The following EXOC2 variants were observed in gnomAD, a reference collection of about 807,000 sequenced individuals.
The protein encoded by EXOC2 is exocyst complex component 2.
A neutral mutation model predicts 131.8 loss-of-function variants in EXOC2; 70 were observed. That is an observed-to-expected ratio of 0.53 (90% CI 0.44 to 0.65). EXOC2 has a LOEUF of 0.65. EXOC2 is among the 30% of genes least tolerant of loss of function. The pLI is 0.00. For synonymous variants in EXOC2, 411 were observed against 398.4 expected, an observed-to-expected ratio of 1.03 and a Z score of -0.38; for missense variants, 923 against 1,108.6, an observed-to-expected ratio of 0.83 and a Z score of 2.38.
intron 4 of EXOC2, among the ~76,000 whole-genome samples, chr6:628,063 T>A (rs1761668279): frequency 6.6e-6 from 1 of 152,240 alleles, no homozygotes; most frequent in Non-Finnish European, 1.5e-5. Context: ...CCTGTAAGGA[T>A]GAACACTTGT....
Position 676,918 on chromosome 6 carries a change from A to T in EXOC2, c.-44+16101T>A, listed in dbSNP as rs9504724. ...AGACTGCGGTTCCCCATACTCTTCAACATTACAGAAAGGACAGGTTCCTCT... is the reference window on the plus strand; with the variant it reads ...AGACTGCGGTTCCCCATACTCTTCATCATTACAGAAAGGACAGGTTCCTCT... On this transcript the variant is annotated intron_variant, in intron 1 of 27. Transcript: ENST00000230449. Among the ~76,000 whole-genome samples, 4 of 49,286 alleles carry T rather than the reference A, an allele frequency of 8.1e-5. 1 individual carries two copies. In the South Asian group the frequency reaches 2.9e-3, roughly 36 times the overall value. 32.3% of individuals were successfully genotyped at this position (49,286 alleles called of 152,430 possible).
At chr6:685,680 C>T (rs1360135168) in intron 1 of EXOC2, among the ~76,000 whole-genome samples, 1 of 152,122 alleles carries the variant, frequency 6.6e-6, no homozygotes, top group East Asian at 1.9e-4. Flanking sequence ...TCTTGCTCCT[C>T]CTGCTCCATC....
chr6:486,618 T>C lies in EXOC2; in HGVS notation c.*53A>G. 1.4e-6 allele frequency: 2 copies of C among 1,460,342 alleles called. No homozygotes were observed. Among genetic ancestry groups the C allele is most frequent in the Non-Finnish European group, 1.9e-6 (2 of 1,041,908 alleles). The allele number at this position is 1,460,342 out of a possible 1,614,324, so 90.5% of individuals were successfully genotyped here. A position where few individuals can be genotyped will look rare whatever the true frequency, so the allele number is the denominator to read the frequency against. On this transcript the variant is annotated 3_prime_UTR_variant, in exon 28 of 28. Coordinates refer to ENST00000230449, the MANE Select transcript of EXOC2 (RefSeq NM_018303.6). ...AAATACCTTTAGGGTACTTAGAGAG[T>C]GAACAGTCTTATTACGTGTTATTTT...
rs539010203 is a variant in EXOC2, at chr6:570,164, C to T, written c.1443+2356G>A. On this transcript the variant is annotated intron_variant, in intron 13 of 27. Coordinates refer to ENST00000230449, the MANE Select transcript of EXOC2 (RefSeq NM_018303.6). ...TTTTTTTTTTTTTGAGACGGAGTCT[C>T]GCGCTGTCGCCCAGGCTGGAGTGTG... is the stretch of plus-strand genomic sequence containing the variant. 2.8e-5 allele frequency among the ~76,000 whole-genome samples: 4 copies of T among 143,702 alleles called. No individual in the cohort carries two copies. The South Asian group carries it at 6.5e-4, about 23-fold the overall frequency. The allele number at this position is 143,702 out of a possible 152,430, so 94.3% of individuals were successfully genotyped here. A position where few individuals can be genotyped will look rare whatever the true frequency, so the allele number is the denominator to read the frequency against.
chr6:640,834 G>A (rs139121395), intron 1 of EXOC2, among the ~76,000 whole-genome samples: 2 of 152,034 alleles, frequency 1.3e-5, no homozygotes, highest in African/African-American at 4.8e-5. Flanking sequence ...TAAGCCACTC[G>A]GTCTAGTATA....
intron 1 of EXOC2, among the ~76,000 whole-genome samples, chr6:653,064 C>T (rs773171613): frequency 1.7e-4 from 26 of 152,178 alleles, no homozygotes; most frequent in Non-Finnish European, 3.5e-4. Context: ...ACAAACCATG[C>T]TCATATGAGA....
chr6:680,923 A>C (rs1349563612), intron 1 of EXOC2, among the ~76,000 whole-genome samples: 1 of 152,126 alleles, frequency 6.6e-6, no homozygotes, highest in Non-Finnish European at 1.5e-5. Context: ...GGCTGACCAG[A>C]TCTGGGGATG....
intron 23 of EXOC2, among the ~76,000 whole-genome samples, chr6:504,925 T>A (rs1174298658): frequency 6.6e-6 from 1 of 152,200 alleles, no homozygotes; most frequent in Non-Finnish European, 1.5e-5. Flanking sequence ...TTTCAGGTGT[T>A]AATTTAAAAT....
At chr6:686,819 G>A (rs973771540) in intron 1 of EXOC2, among the ~76,000 whole-genome samples, 1 of 152,144 alleles carries the variant, frequency 6.6e-6, no homozygotes, top group African/African-American at 2.4e-5. Context: ...ACTTCCAACC[G>A]ATGCCACTGG....
chr6:535,806 T>C (rs1312351265), intron 22 of EXOC2, among the ~76,000 whole-genome samples: 1 of 152,148 alleles, frequency 6.6e-6, no homozygotes, highest in Non-Finnish European at 1.5e-5. Flanking sequence ...ATGAAGCCAG[T>C]ATAACCCTAA....
intron 23 of EXOC2, among the ~76,000 whole-genome samples, chr6:531,052 G>A (rs1268144868): frequency 6.6e-6 from 1 of 152,228 alleles, no homozygotes; most frequent in African/African-American, 2.4e-5. Flanking sequence ...TCTGGTACCT[G>A]TGGGGATGCT....
rs981434307 is a variant in EXOC2 at position 555,842 on chromosome 6, G to A, written c.1992+112C>T. The A allele has an allele frequency of 4.7e-6, 5 of 1,069,026 alleles. No individual in the cohort carries two copies. In the Admixed American group the frequency reaches 1.2e-4, roughly 25 times the overall value. The allele number at this position is 1,069,026 out of a possible 1,614,324, so 66.2% of individuals were successfully genotyped here. ...AAACTATTATGTACACAGACAAGAT[G>A]AAAAAAGAATACCTATTTGGTGAAC... On this transcript the variant is annotated intron_variant, in intron 19 of 27. Transcript: ENST00000230449.
chr6:683,251 C>G (rs780901527), intron 1 of EXOC2, among the ~76,000 whole-genome samples: 1 of 152,158 alleles, frequency 6.6e-6, no homozygotes, highest in Non-Finnish European at 1.5e-5. Flanking sequence ...AATAAAGAAG[C>G]TAAACAATGC....
intron 1 of EXOC2, among the ~76,000 whole-genome samples, chr6:691,587 T>C (rs1332130524): frequency 6.6e-6 from 1 of 152,236 alleles, no homozygotes; most frequent in Non-Finnish European, 1.5e-5. Context: ...ACATACAAAA[T>C]ACATGTAAGT....
chr6:521,018 ACAACCGC>A (rs1158693386), intron 23 of EXOC2, among the ~76,000 whole-genome samples: 6 of 150,520 alleles, frequency 4.0e-5, no homozygotes, highest in Non-Finnish European at 4.4e-5. Flanking sequence ...GGAGATGAAA[ACAACCGC>A]CCACCGAGCG....
chr6:569,131 G>T (rs1020689449), intron 13 of EXOC2, among the ~76,000 whole-genome samples: 7 of 152,058 alleles, frequency 4.6e-5, no homozygotes, highest in African/African-American at 1.7e-4. Flanking sequence ...ATATTATTGA[G>T]TTATGTAACT....
At chr6:590,007 T>C (rs1055540331) in intron 11 of EXOC2, among the ~76,000 whole-genome samples, 10 of 151,736 alleles carry the variant, frequency 6.6e-5, no homozygotes, top group Non-Finnish European at 1.3e-4. Context: ...CCCAGCTACT[T>C]GGGAGGCTGA....
At chr6:559,436 CAG>C (rs936929542) in intron 17 of EXOC2, among the ~76,000 whole-genome samples, 3 of 152,170 alleles carry the variant, frequency 2.0e-5, no homozygotes, top group African/African-American at 7.2e-5. Flanking sequence ...AAAACTGACT[CAG>C]TGTTATCAGG....
chr6:668,662 T>G (rs1763723866), intron 1 of EXOC2, among the ~76,000 whole-genome samples: 1 of 152,188 alleles, frequency 6.6e-6, no homozygotes, highest in African/African-American at 2.4e-5. Flanking sequence ...CCAGTAAAAG[T>G]AGAGATACTA....
Sources: gnomAD v4.1 joint callset for allele counts (sites outside exome capture counted in the v4.1 genomes callset) on GRCh38, gnomAD v4.1.1 for gene constraint, MANE v1.5 for transcripts, NCBI Gene and HGNC (gene_info 2026-07-23, HGNC 2026-07-21) for gene names.